SORBS2: variants seen among roughly 807,000 people sequenced by gnomAD.
SORBS2 encodes sorbin and SH3 domain containing 2, also known as sorbin and SH3 domain-containing protein 2.
Under a neutral mutation model 97.7 loss-of-function variants are expected in SORBS2, and 46 were observed. That is an observed-to-expected ratio of 0.47 (90% CI 0.37 to 0.60). SORBS2 has a LOEUF of 0.60. SORBS2 is among the 20% of genes least tolerant of loss of function. SORBS2 has a pLI of 0.00. For missense variants in SORBS2, 1,316 were observed against 1,282.3 expected (o/e 1.03, Z -0.40); for synonymous variants, 476 against 473.4 (o/e 1.01, Z -0.07).
At position 185,751,172 on chromosome 4, in the gene SORBS2, T is replaced by TAAAAAAAAAAAAAAAAAA. The variant is rs71593649; in HGVS notation, c.-198+24037_-198+24054dup. 3.4e-3 allele frequency among the ~76,000 whole-genome samples: 109 copies of TAAAAAAAAAAAAAAAAAA among 31,604 alleles called. 11 individuals carry two copies. The highest frequency in any genetic ancestry group is 3.9e-3 in the Non-Finnish European group (60 of 15,422). The allele number at this position is 31,604 out of a possible 152,430, so 20.7% of individuals were successfully genotyped here. A position where few individuals can be genotyped will look rare whatever the true frequency, so the allele number is the denominator to read the frequency against. On this transcript the variant is annotated intron_variant, in intron 2 of 20. Transcript: ENST00000284776. The stretch of plus-strand genomic sequence containing the variant: ...AAGGAATGCTCTTAGCTCTAAATAC[T>TAAAAAAAAAAAAAAAAAA]AAAAAAAAAAAAAAAAAAAGAGAAA...
At chr4:185,814,592 A>G (rs1428537360) in intron 1 of SORBS2, among the ~76,000 whole-genome samples, 1 of 151,968 alleles carries the variant, frequency 6.6e-6, no homozygotes, top group Non-Finnish European at 1.5e-5. Context: ...ATCTGAAGTC[A>G]TTTTCCTTTG....
At chr4:185,769,900 GT>G (rs1294496407) in intron 2 of SORBS2, among the ~76,000 whole-genome samples, 2 of 152,280 alleles carry the variant, frequency 1.3e-5, no homozygotes, top group South Asian at 4.1e-4. Flanking sequence ...TTTCTCAGCT[GT>G]TAGACAACAG....
At chr4:185,845,039 G>A (rs2099213760) in intron 1 of SORBS2, among the ~76,000 whole-genome samples, 1 of 150,642 alleles carries the variant, frequency 6.6e-6, no homozygotes, top group Non-Finnish European at 1.5e-5. Context: ...TTTGGACAGG[G>A]TCTTGCTCTG....
intron 2 of SORBS2, among the ~76,000 whole-genome samples, chr4:185,686,529 G>A (rs1388442755): frequency 6.6e-6 from 1 of 152,206 alleles, no homozygotes; most frequent in Non-Finnish European, 1.5e-5. Context: ...CTTCAGGAAA[G>A]GCTCCAAAAG....
intron 1 of SORBS2, among the ~76,000 whole-genome samples, chr4:185,797,391 A>AT (rs2099109951): frequency 6.6e-6 from 1 of 152,108 alleles, no homozygotes; most frequent in Non-Finnish European, 1.5e-5. Context: ...CCAGTTATAT[A>AT]TTTTTCACCC....
intron 1 of SORBS2, among the ~76,000 whole-genome samples, chr4:185,913,159 G>A (rs1006316047): frequency 3.9e-5 from 6 of 152,148 alleles, no homozygotes; most frequent in Non-Finnish European, 7.4e-5. Flanking sequence ...TCATCTATTT[G>A]GGAAAACAGA....
chr4:185,716,692 T>A (rs932857906), intron 2 of SORBS2, among the ~76,000 whole-genome samples: 5 of 152,140 alleles, frequency 3.3e-5, no homozygotes, highest in Non-Finnish European at 5.9e-5. Context: ...TGGAGTAAAA[T>A]CTGTGTTCAT....
chr4:185,697,464 AT>A (rs1490835202), intron 2 of SORBS2, among the ~76,000 whole-genome samples: 2 of 152,140 alleles, frequency 1.3e-5, no homozygotes, highest in Non-Finnish European at 2.9e-5. Context: ...TTTAGCTAAG[AT>A]TTTCCCCCCC....
intron 9 of SORBS2, among the ~76,000 whole-genome samples, chr4:185,616,196 T>C (rs1048892751): frequency 6.6e-6 from 1 of 152,246 alleles, no homozygotes. Flanking sequence ...GAATTTTCAG[T>C]TGGATCATTT....
At chr4:185,879,194 G>A (rs1403313973) in intron 1 of SORBS2, among the ~76,000 whole-genome samples, 6 of 103,032 alleles carry the variant, frequency 5.8e-5, no homozygotes, top group Admixed American at 1.3e-4. Context: ...GACAGGCCCC[G>A]GTGTGTGATG....
At chr4:185,717,885 C>T (rs1305453820) in intron 2 of SORBS2, among the ~76,000 whole-genome samples, 1 of 152,204 alleles carries the variant, frequency 6.6e-6, no homozygotes, top group Non-Finnish European at 1.5e-5. Flanking sequence ...GTTTCTACAA[C>T]TATAAAACCG....
intron 1 of SORBS2, among the ~76,000 whole-genome samples, chr4:185,815,592 A>G (rs576731662): frequency 6.6e-6 from 1 of 152,310 alleles, no homozygotes; most frequent in East Asian, 1.9e-4. Context: ...TCAAACAAAT[A>G]TATTATCATC....
chr4:185,685,756 C>T (rs2097945455), intron 2 of SORBS2, among the ~76,000 whole-genome samples: 1 of 152,212 alleles, frequency 6.6e-6, no homozygotes, highest in African/African-American at 2.4e-5. Context: ...CTCCCTGGCT[C>T]AAGGGCTCTT....
chr4:185,652,339 CA>C (rs1482850556), intron 2 of SORBS2, among the ~76,000 whole-genome samples: 1 of 152,188 alleles, frequency 6.6e-6, no homozygotes, highest in Non-Finnish European at 1.5e-5. Context: ...TGAGAGCAGA[CA>C]GGGGTGGACA....
chr4:185,827,744 TCATCACCATCATCAC>T (rs1561212631), intron 1 of SORBS2, among the ~76,000 whole-genome samples: 1 of 41,886 alleles, frequency 2.4e-5, no homozygotes, highest in Non-Finnish European at 5.3e-5. Context: ...ATCATCACCA[TCATCACCATCATCAC>T]CATCATCATC....
intron 12 of SORBS2, among the ~76,000 whole-genome samples, chr4:185,601,706 C>T (rs2096265920): frequency 1.3e-5 from 2 of 152,122 alleles, no homozygotes; most frequent in South Asian, 2.1e-4. Flanking sequence ...AAAAATAACC[C>T]CATTTAGCTT....
chr4:185,767,515 A>T (rs1295789323), intron 2 of SORBS2, among the ~76,000 whole-genome samples: 1 of 148,832 alleles, frequency 6.7e-6, no homozygotes, highest in African/African-American at 2.5e-5. Context: ...AAAAAAAAAA[A>T]AAAAGAGAAA....
At chr4:185,726,606 G>A (rs1441341721) in intron 2 of SORBS2, among the ~76,000 whole-genome samples, 1 of 150,966 alleles carries the variant, frequency 6.6e-6, no homozygotes, top group Non-Finnish European at 1.5e-5. Context: ...AGAAACATAA[G>A]GATATTTAGA....
intron 1 of SORBS2, among the ~76,000 whole-genome samples, chr4:185,919,969 C>T (rs1035515176): frequency 2.0e-5 from 3 of 152,180 alleles, no homozygotes; most frequent in Non-Finnish European, 4.4e-5. Context: ...TGTTAGTATG[C>T]CATCTTTCTT....
Sources: allele counts gnomAD v4.1 joint callset (sites outside exome capture counted in the v4.1 genomes callset), GRCh38; gene constraint gnomAD v4.1.1; transcripts MANE v1.5; gene names NCBI Gene and HGNC (gene_info 2026-07-23, HGNC 2026-07-21).